Variants in ARHGEF38 observed in about 807,000 individuals in gnomAD.
ARHGEF38 encodes Rho guanine nucleotide exchange factor 38, also known as Rho guanine nucleotide exchange factor (GEF) 38.
A neutral mutation model predicts 79.9 loss-of-function variants in ARHGEF38; 79 were observed. The ratio of observed to expected loss-of-function variants is 0.99; its 90% CI spans 0.82 to 1.19. The LOEUF (loss-of-function observed/expected upper bound fraction) is 1.19, where lower values mean the gene tolerates loss of function less well. ARHGEF38 is among the 50% of genes most tolerant of loss of function. The pLI, the probability that ARHGEF38 is intolerant of heterozygous loss-of-function variation, is 0.00. For synonymous variants in ARHGEF38, 366 were observed against 328.3 expected (o/e 1.11, Z -1.24); for missense variants, 962 against 907.2 (o/e 1.06, Z -0.78).
chr4:105,679,857 C>G lies in ARHGEF38; in HGVS notation c.*1920C>G. 1 of 1,421,238 alleles carries G rather than the reference C, an allele frequency of 7.0e-7. No individual in the cohort carries two copies. The highest frequency in any genetic ancestry group is 9.9e-7 in the Non-Finnish European group (1 of 1,009,360). The allele number at this position is 1,421,238 out of a possible 1,614,324, so 88.0% of individuals were successfully genotyped here. On this transcript the variant is annotated 3_prime_UTR_variant, in exon 14 of 14. Coordinates refer to ENST00000420470, the MANE Select transcript of ARHGEF38 (RefSeq NM_001242729.2). ...TCCTGAGGAGGAGAACTTTGAATCA[C>G]CAGGTCAACTACAGGAATGTCCAAA...
At chr4:105,561,445 GAATGGAATAGAATAGAATAGAATAGAATA>G (rs1725563632) in intron 1 of ARHGEF38, 2 of 73,510 alleles carry the variant, frequency 2.7e-5, no homozygotes, top group East Asian at 4.7e-4. Context: ...GAATAGAATA[GAATGGAATAGAATAGAATAGAATAGAATA>G]GAATAGAATA....
intron 2 of ARHGEF38, among the ~76,000 whole-genome samples, chr4:105,590,184 A>G (rs1010275441): frequency 6.6e-6 from 1 of 152,106 alleles, no homozygotes; most frequent in Non-Finnish European, 1.5e-5. Flanking sequence ...GGGACAAACG[A>G]GTGGTCATTC....
chr4:105,592,061 A>G (rs1727366559), intron 2 of ARHGEF38, among the ~76,000 whole-genome samples: 1 of 152,166 alleles, frequency 6.6e-6, no homozygotes. Context: ...AGACTCTGTC[A>G]CTACCTTTCC....
chr4:105,582,790 C>T (rs1726859682), intron 1 of ARHGEF38, among the ~76,000 whole-genome samples: 1 of 152,302 alleles, frequency 6.6e-6, no homozygotes, highest in African/African-American at 2.4e-5. Context: ...ACCTTCAACT[C>T]TTTCACTTTT....
intron 13 of ARHGEF38, among the ~76,000 whole-genome samples, chr4:105,676,397 T>G (rs1731118024): frequency 6.6e-6 from 1 of 152,100 alleles, no homozygotes; most frequent in Admixed American, 6.5e-5. Flanking sequence ...GCTGTTTTGG[T>G]GTGTTTTGTT....
chr4:105,653,068 T>C (rs1164518209), intron 7 of ARHGEF38, among the ~76,000 whole-genome samples: 3 of 152,168 alleles, frequency 2.0e-5, no homozygotes, highest in Non-Finnish European at 4.4e-5. Flanking sequence ...GTTCCGATCT[T>C]GTTTTGTAGC....
At chr4:105,642,106 CT>C (rs1403959809) in intron 5 of ARHGEF38, among the ~76,000 whole-genome samples, 7 of 152,128 alleles carry the variant, frequency 4.6e-5, no homozygotes, top group African/African-American at 1.7e-4. Context: ...TAGGACTCAT[CT>C]GCCTCGCATG....
intron 7 of ARHGEF38, among the ~76,000 whole-genome samples, chr4:105,653,217 C>T (rs1200247085): frequency 6.6e-6 from 1 of 152,058 alleles, no homozygotes; most frequent in Non-Finnish European, 1.5e-5. Flanking sequence ...AAACTGAATA[C>T]ATGTGACACT....
intron 2 of ARHGEF38, among the ~76,000 whole-genome samples, chr4:105,602,867 T>C (rs1037709242): frequency 6.6e-6 from 1 of 152,156 alleles, no homozygotes; most frequent in Non-Finnish European, 1.5e-5. Flanking sequence ...TTAAAAATGT[T>C]CCCAGAACTG....
At chr4:105,615,167 G>C (rs937718514) in intron 3 of ARHGEF38, among the ~76,000 whole-genome samples, 1 of 152,212 alleles carries the variant, frequency 6.6e-6, no homozygotes, top group Non-Finnish European at 1.5e-5. Context: ...ACAGATGTAA[G>C]CAAGAAATGA....
chr4:105,578,842 A>AT (rs1434270630), intron 1 of ARHGEF38, among the ~76,000 whole-genome samples: 1 of 151,986 alleles, frequency 6.6e-6, no homozygotes, highest in African/African-American at 2.4e-5. Flanking sequence ...TTGGTTTGTG[A>AT]TTTTTTTAAT....
chr4:105,586,530 C>A (rs982295799), intron 1 of ARHGEF38, among the ~76,000 whole-genome samples: 2 of 152,170 alleles, frequency 1.3e-5, no homozygotes, highest in Admixed American at 1.3e-4. Context: ...TAAAGTGCAG[C>A]AACTGAAACG....
intron 2 of ARHGEF38, among the ~76,000 whole-genome samples, chr4:105,610,216 T>C (rs1728232806): frequency 6.6e-6 from 1 of 151,452 alleles, no homozygotes; most frequent in African/African-American, 2.4e-5. Context: ...AGGGGGTGGG[T>C]TGGGAGAGGA....
intron 2 of ARHGEF38, among the ~76,000 whole-genome samples, chr4:105,598,549 G>T (rs992513011): frequency 2.6e-5 from 4 of 152,124 alleles, no homozygotes; most frequent in Non-Finnish European, 5.9e-5. Context: ...TTATACTCTT[G>T]CTGGAAGTCT....
chr4:105,636,775 C>T (rs1729413875), intron 5 of ARHGEF38, among the ~76,000 whole-genome samples: 1 of 152,008 alleles, frequency 6.6e-6, no homozygotes, highest in African/African-American at 2.4e-5. Context: ...AGATTAATAT[C>T]ATAATGCATT....
chr4:105,607,128 C>T (rs1158298967), intron 2 of ARHGEF38, among the ~76,000 whole-genome samples: 2 of 152,084 alleles, frequency 1.3e-5, no homozygotes, highest in African/African-American at 4.8e-5. Flanking sequence ...GCTCATTAAA[C>T]AGAAGCCTAT....
At position 105,679,197 on chromosome 4, in the gene ARHGEF38, C is replaced by T. The variant is rs1731224118; in HGVS notation, c.*1260C>T. 1 of 623,902 alleles carries T rather than the reference C, an allele frequency of 1.6e-6. No individual in the cohort carries two copies. Among genetic ancestry groups the T allele is most frequent in the South Asian group, 2.0e-5 (1 of 50,540 alleles). The allele number at this position is 623,902 out of a possible 1,614,324, so 38.6% of individuals were successfully genotyped here. On this transcript the variant is annotated 3_prime_UTR_variant, in exon 14 of 14. Coordinates refer to ENST00000420470, the MANE Select transcript of ARHGEF38 (RefSeq NM_001242729.2). ...CAGATCGACAACCTGACTGGCCTGA[C>T]CAGCCACTCCTCTGTCTGGAATTAA...
chr4:105,598,044 G>A (rs1199879612), intron 2 of ARHGEF38, among the ~76,000 whole-genome samples: 3 of 151,862 alleles, frequency 2.0e-5, no homozygotes, highest in African/African-American at 7.3e-5. Context: ...TTTCAGAGGG[G>A]TAGAGACTAC....
chr4:105,566,425 A>T (rs1725891212), intron 1 of ARHGEF38, among the ~76,000 whole-genome samples: 1 of 152,054 alleles, frequency 6.6e-6, no homozygotes, highest in African/African-American at 2.4e-5. Context: ...TTTTATTTTT[A>T]ATTTTTGTGG....
Sources: gnomAD v4.1 joint callset for allele counts (sites outside exome capture counted in the v4.1 genomes callset) on GRCh38, gnomAD v4.1.1 for gene constraint, MANE v1.5 for transcripts, NCBI Gene and HGNC (gene_info 2026-07-23, HGNC 2026-07-21) for gene names.